The following KATNBL1 variants were observed in gnomAD, a reference collection of about 807,000 sequenced individuals.
KATNBL1 encodes katanin regulatory subunit B1 like 1.
KATNBL1 carries 28 observed loss-of-function variants against 44.7 expected under a neutral mutation model. The observed-to-expected ratio is 0.63, with a 90% CI of 0.46 to 0.86. The LOEUF (loss-of-function observed/expected upper bound fraction) is 0.86, where lower values mean the gene tolerates loss of function less well. Ranked by LOEUF, KATNBL1 falls within the 40% of genes least tolerant of loss-of-function variation. The pLI, the probability that KATNBL1 is intolerant of heterozygous loss-of-function variation, is 0.00. For missense variants in KATNBL1, 272 were observed against 350.7 expected (o/e 0.78, Z 1.79); for synonymous variants, 78 against 114.9 (o/e 0.68, Z 2.06).
At chr15:34,174,012 T>C (rs1889250836) in intron 1 of KATNBL1, among the ~76,000 whole-genome samples, 1 of 152,166 alleles carries the variant, frequency 6.6e-6, no homozygotes, top group South Asian at 2.1e-4. Flanking sequence ...AGAAGGCATC[T>C]AGGAACACCA....
chr15:34,207,191 C>G (rs1002146641), intron 1 of KATNBL1, among the ~76,000 whole-genome samples: 3 of 151,950 alleles, frequency 2.0e-5, no homozygotes, highest in Non-Finnish European at 2.9e-5. Flanking sequence ...AGGCGCATGC[C>G]ACTACACCTG....
chr15:34,164,122 G>C (rs747826117), intron 1 of KATNBL1, among the ~76,000 whole-genome samples: 9 of 152,172 alleles, frequency 5.9e-5, no homozygotes, highest in Non-Finnish European at 8.8e-5. Flanking sequence ...TCATACTCCT[G>C]ACCTCAGGTG....
chr15:34,196,672 G>GA (rs1488427837), intron 1 of KATNBL1, among the ~76,000 whole-genome samples: 4 of 152,152 alleles, frequency 2.6e-5, no homozygotes, highest in African/African-American at 4.8e-5. Context: ...AGGCTGCAGT[G>GA]AGCTGAGATT....
At chr15:34,192,187 C>T (rs1889893042) in intron 1 of KATNBL1, among the ~76,000 whole-genome samples, 1 of 141,062 alleles carries the variant, frequency 7.1e-6, no homozygotes, top group African/African-American at 2.9e-5. Context: ...GGTGGATCAC[C>T]AGGTCAGGAG....
At chr15:34,142,421 A>C in intron 9 of KATNBL1, 50 bp from the exon 10 acceptor site, 1 of 1,540,304 alleles carries the variant, frequency 6.5e-7, no homozygotes, top group Non-Finnish European at 8.7e-7. Context: ...GTAAATACAA[A>C]CATAAACAAT....
At chr15:34,193,236 C>CAAAAAAA (rs869058713) in intron 1 of KATNBL1, among the ~76,000 whole-genome samples, 1 of 79,180 alleles carries the variant, frequency 1.3e-5, no homozygotes, top group African/African-American at 4.3e-5. Context: ...AAAAAAAAAA[C>CAAAAAAA]AAAAAAAAAA....
chr15:34,148,629 T>TA lies in KATNBL1; in HGVS notation c.557+2dup. The TA allele has an allele frequency of 6.8e-7, 1 of 1,479,382 alleles. No homozygotes were observed. The highest frequency in any genetic ancestry group is 2.3e-5 in the East Asian group (1 of 44,216). 91.6% of individuals were successfully genotyped at this position (1,479,382 alleles called of 1,614,324 possible). ...AACAAAGAGGATAAAAGGTCACACT[T>TA]ACCTCAACAAATAAGCTACAAGTTC... On this transcript the variant is annotated splice_region_variant and intron_variant, in intron 5 of 9. Coordinates refer to ENST00000256544, the MANE Select transcript of KATNBL1 (RefSeq NM_024713.3).
At chr15:34,175,997 C>CA (rs1889319469) in intron 1 of KATNBL1, among the ~76,000 whole-genome samples, 1 of 152,068 alleles carries the variant, frequency 6.6e-6, no homozygotes. Flanking sequence ...AGCCAAAAAG[C>CA]AAAAAACAAC....
intron 2 of KATNBL1, among the ~76,000 whole-genome samples, chr15:34,156,576 T>G (rs1888644944): frequency 6.6e-6 from 1 of 152,238 alleles, no homozygotes; most frequent in Non-Finnish European, 1.5e-5. Flanking sequence ...AATAGCTACC[T>G]TCGTCTTGTC....
Position 34,142,171 on chromosome 15 carries a change from A to G in KATNBL1, c.*168T>C. ...ATATTTTTCCACTTCAATGTGAAGC[A>G]GATTGCTGGGATTTCATTAGTGGTT... On this transcript the variant is annotated 3_prime_UTR_variant, in exon 10 of 10. Transcript: ENST00000256544. 3.6e-6 allele frequency: 2 copies of G among 548,868 alleles called. No homozygotes were observed. Among genetic ancestry groups the G allele is most frequent in the Non-Finnish European group, 5.9e-6 (2 of 339,984 alleles). The allele number at this position is 548,868 out of a possible 1,614,324, so 34.0% of individuals were successfully genotyped here. A position where few individuals can be genotyped will look rare whatever the true frequency, so the allele number is the denominator to read the frequency against.
chr15:34,142,208 C>A lies in KATNBL1; in HGVS notation c.*131G>T. The A allele has an allele frequency of 2.1e-6, 2 of 936,504 alleles. No homozygotes were observed. Among genetic ancestry groups the A allele is most frequent in the Non-Finnish European group, 2.9e-6 (2 of 683,334 alleles). 58.0% of individuals were successfully genotyped at this position (936,504 alleles called of 1,614,324 possible). Reference sequence around the variant, plus strand: ...TTTCATTAGTGGTTTCATTACGTGGCTTTTTAAAAGAAAAAATAGTTTTGA... The same window carrying A: ...TTTCATTAGTGGTTTCATTACGTGGATTTTTAAAAGAAAAAATAGTTTTGA... On this transcript the variant is annotated 3_prime_UTR_variant, in exon 10 of 10. Coordinates refer to ENST00000256544, the MANE Select transcript of KATNBL1 (RefSeq NM_024713.3).
chr15:34,142,270 T>TC lies in KATNBL1; in HGVS notation c.*68_*69insG. ...GTTCACAGTTCTCAGACGAGACTTT[T>TC]TTTTTTTGTAAATTATACAGTTCAG... On this transcript the variant is annotated 3_prime_UTR_variant, in exon 10 of 10. Coordinates refer to ENST00000256544, the MANE Select transcript of KATNBL1 (RefSeq NM_024713.3). 6.9e-7 allele frequency: 1 copy of TC among 1,455,370 alleles called. No individual in the cohort carries two copies. The highest frequency in any genetic ancestry group is 9.1e-7 in the Non-Finnish European group (1 of 1,096,344). The allele number at this position is 1,455,370 out of a possible 1,614,324, so 90.2% of individuals were successfully genotyped here.
At chr15:34,148,082 C>A (rs1159893887) in intron 5 of KATNBL1, among the ~76,000 whole-genome samples, 1 of 152,046 alleles carries the variant, frequency 6.6e-6, no homozygotes, top group Non-Finnish European at 1.5e-5. Context: ...CACTCCTGGG[C>A]TCAAGGGACT....
At chr15:34,195,748 A>C (rs950746490) in intron 1 of KATNBL1, among the ~76,000 whole-genome samples, 1 of 151,910 alleles carries the variant, frequency 6.6e-6, no homozygotes, top group East Asian at 1.9e-4. Flanking sequence ...AATTTTTTTA[A>C]TTGTAACTGT....
chr15:34,184,485 C>CA (rs34736108), intron 1 of KATNBL1, among the ~76,000 whole-genome samples: 2,179 of 60,240 alleles, frequency 0.036, 30 homozygotes, highest in Middle Eastern at 0.07. Context: ...GATTCCATCT[C>CA]AAAAAAAAAA....
At chr15:34,176,763 G>A (rs1339320971) in intron 1 of KATNBL1, among the ~76,000 whole-genome samples, 1 of 151,956 alleles carries the variant, frequency 6.6e-6, no homozygotes, top group East Asian at 1.9e-4. Flanking sequence ...AGGGAGTGAA[G>A]GAAATCATAA....
At chr15:34,199,193 C>G (rs1467600598) in intron 1 of KATNBL1, among the ~76,000 whole-genome samples, 1 of 152,180 alleles carries the variant, frequency 6.6e-6, no homozygotes, top group Non-Finnish European at 1.5e-5. Context: ...AATCCCAGCA[C>G]TTTGGGAGGC....
At chr15:34,193,093 T>C (rs2140988609) in intron 1 of KATNBL1, among the ~76,000 whole-genome samples, 1 of 150,514 alleles carries the variant, frequency 6.6e-6, no homozygotes, top group South Asian at 2.1e-4. Flanking sequence ...GGCGGGCGCC[T>C]GTGGTCCCAG....
chr15:34,192,082 A>C (rs1241886947), intron 1 of KATNBL1, among the ~76,000 whole-genome samples: 2 of 151,728 alleles, frequency 1.3e-5, no homozygotes, highest in Non-Finnish European at 2.9e-5. Flanking sequence ...TGTAAAGTTT[A>C]TTATACTATC....
Sources: allele counts gnomAD v4.1 joint callset (sites outside exome capture counted in the v4.1 genomes callset), GRCh38; gene constraint gnomAD v4.1.1; transcripts MANE v1.5; gene names NCBI Gene and HGNC (gene_info 2026-07-23, HGNC 2026-07-21).